Variants in SAMD12 observed in about 807,000 individuals in gnomAD.
The protein encoded by SAMD12 is sterile alpha motif domain-containing protein 12.
SAMD12 carries 9 observed loss-of-function variants against 15.0 expected under a neutral mutation model. The ratio of observed to expected loss-of-function variants is 0.60; its 90% CI spans 0.36 to 1.05. SAMD12 has a LOEUF of 1.05. Among genes scored for constraint, SAMD12 ranks in the 50% least tolerant of loss-of-function variants. SAMD12 has a pLI of 0.01. For synonymous variants in SAMD12, 86 were observed against 90.1 expected, an observed-to-expected ratio of 0.96 and a Z score of 0.25; for missense variants, 230 against 234.2, an observed-to-expected ratio of 0.98 and a Z score of 0.12.
downstream of SAMD12, among the ~76,000 whole-genome samples, chr8:118,376,429 A>G (rs4876817): frequency 0.71 from 107,363 of 151,898 alleles, 39,134 homozygotes; most frequent in African/African-American, 0.85. Context: ...CAGATATCCC[A>G]CCCCATGTGA....
intron 2 of SAMD12, among the ~76,000 whole-genome samples, chr8:118,528,913 A>G (rs1825606957): frequency 6.6e-6 from 1 of 152,144 alleles, no homozygotes; most frequent in South Asian, 2.1e-4. Context: ...TGTGACCTCA[A>G]TATGGTGTCA....
At chr8:118,516,427 TTGCTCAG>T (rs1265334838) in intron 2 of SAMD12, among the ~76,000 whole-genome samples, 1 of 152,210 alleles carries the variant, frequency 6.6e-6, no homozygotes, top group Non-Finnish European at 1.5e-5. Flanking sequence ...ATGGATATAG[TTGCTCAG>T]TGCAGGGAAA....
intron 2 of SAMD12, among the ~76,000 whole-genome samples, chr8:118,476,119 T>C (rs1460250041): frequency 6.6e-6 from 1 of 152,280 alleles, no homozygotes; most frequent in Non-Finnish European, 1.5e-5. Flanking sequence ...ATCAAGAGAA[T>C]TGTGACTTAT....
intron 2 of SAMD12, among the ~76,000 whole-genome samples, chr8:118,579,601 A>G (rs950883229): frequency 6.6e-6 from 1 of 152,174 alleles, no homozygotes; most frequent in African/African-American, 2.4e-5. Context: ...AAAGCAAAAA[A>G]TTCACATCTG....
exon 5 of SAMD12, chr8:118,196,960 A>G (rs1819581865): frequency 6.6e-6 from 1 of 152,138 alleles, no homozygotes; most frequent in Admixed American, 6.5e-5. Context: ...GAAGTAAACC[A>G]GTTGTTCAAT....
At chr8:118,520,930 T>C (rs1232468338) in intron 2 of SAMD12, among the ~76,000 whole-genome samples, 1 of 152,154 alleles carries the variant, frequency 6.6e-6, no homozygotes, top group African/African-American at 2.4e-5. Context: ...GGTAAACCTA[T>C]TATGTAGCAC....
chr8:118,149,242 C>T, the SAMD12 span, among the ~76,000 whole-genome samples: 1 of 152,214 alleles, frequency 6.6e-6, no homozygotes, highest in Admixed American at 6.5e-5. Flanking sequence ...GCTGGGATTA[C>T]AGGCATGAGC....
chr8:118,246,555 T>C (rs1356711144), intron 4 of SAMD12, among the ~76,000 whole-genome samples: 2 of 152,178 alleles, frequency 1.3e-5, no homozygotes, highest in African/African-American at 4.8e-5. Context: ...TAAACTTGCA[T>C]TATCTCTTTT....
At chr8:118,275,135 A>G (rs529395236) in intron 4 of SAMD12, among the ~76,000 whole-genome samples, 1 of 152,180 alleles carries the variant, frequency 6.6e-6, no homozygotes, top group African/African-American at 2.4e-5. Context: ...GGAAGTTCCA[A>G]TCTATTCATA....
At chr8:118,199,969 A>C (rs979158044) in intron 4 of SAMD12, among the ~76,000 whole-genome samples, 5 of 152,160 alleles carry the variant, frequency 3.3e-5, no homozygotes, top group African/African-American at 9.7e-5. Flanking sequence ...TTGTGGGGAG[A>C]ACCCGGTGGG....
chr8:118,323,528 G>A (rs552881716), intron 4 of SAMD12, among the ~76,000 whole-genome samples: 12 of 152,172 alleles, frequency 7.9e-5, no homozygotes, highest in Admixed American at 2.0e-4. Flanking sequence ...TTGGGAGGCC[G>A]AGTTGGGTGG....
chr8:118,452,114 G>A (rs4876843), intron 2 of SAMD12, among the ~76,000 whole-genome samples: 17,762 of 152,018 alleles, frequency 0.12, 1,294 homozygotes, highest in Non-Finnish European at 0.16. Context: ...GGTGGCCTCT[G>A]TGCAAAAGAG....
intron 2 of SAMD12, among the ~76,000 whole-genome samples, chr8:118,538,160 CTCTGTCTG>C (rs61235691): frequency 1.7e-3 from 258 of 151,704 alleles, no homozygotes; most frequent in African/African-American, 5.9e-3. Flanking sequence ...TGGAGTTAGT[CTCTGTCTG>C]TCTGTCTGTC....
chr8:118,292,958 G>A (rs959294023), intron 4 of SAMD12, among the ~76,000 whole-genome samples: 1 of 151,498 alleles, frequency 6.6e-6, no homozygotes, highest in African/African-American at 2.4e-5. Flanking sequence ...GCCAGATGAC[G>A]AGTTAGTGGG....
chr8:118,138,687 TA>T, the SAMD12 span, among the ~76,000 whole-genome samples: 1 of 152,210 alleles, frequency 6.6e-6, no homozygotes, highest in Admixed American at 6.5e-5. Context: ...GAATAGGGTT[TA>T]AAATAGAAAA....
intron 4 of SAMD12, among the ~76,000 whole-genome samples, chr8:118,209,440 A>G (rs749880388): frequency 6.6e-6 from 1 of 152,228 alleles, no homozygotes; most frequent in Non-Finnish European, 1.5e-5. Context: ...TGTCTTAATG[A>G]TAACAGATAA....
chr8:118,576,938 G>A (rs1197167370), intron 2 of SAMD12, among the ~76,000 whole-genome samples: 5 of 152,160 alleles, frequency 3.3e-5, no homozygotes, highest in African/African-American at 1.2e-4. Context: ...CTTTGCCACT[G>A]TATTTCTTGC....
intron 2 of SAMD12, among the ~76,000 whole-genome samples, chr8:118,442,509 C>T (rs1020313190): frequency 2.0e-5 from 3 of 152,278 alleles, no homozygotes; most frequent in African/African-American, 4.8e-5. Context: ...GAGAGGAAGA[C>T]GTTGGGCATG....
the SAMD12 span, among the ~76,000 whole-genome samples, chr8:118,148,900 G>T: frequency 6.6e-6 from 1 of 152,078 alleles, no homozygotes; most frequent in African/African-American, 2.4e-5. Flanking sequence ...TCTATTGTAC[G>T]GTTATACGGC....
Sources: allele counts gnomAD v4.1 joint callset (sites outside exome capture counted in the v4.1 genomes callset), GRCh38; gene constraint gnomAD v4.1.1; transcripts MANE v1.5; gene names NCBI Gene and HGNC (gene_info 2026-07-23, HGNC 2026-07-21).